WDR17: variants seen among roughly 807,000 people sequenced by gnomAD.
The protein encoded by WDR17 is WD repeat-containing protein 17.
In WDR17, 143 loss-of-function variants were observed where a neutral mutation model predicts 161.7. That is an observed-to-expected ratio of 0.88 (90% CI 0.77 to 1.02). The LOEUF is 1.02. Among genes scored for constraint, WDR17 ranks in the 50% least tolerant of loss-of-function variants. The probability of loss-of-function intolerance (pLI) is 0.00; values close to 1 mark genes in which losing one functional copy is unlikely to be tolerated. For synonymous variants in WDR17, 517 were observed against 515.6 expected (o/e 1.00, Z -0.04); for missense variants, 1,469 against 1,520.9 (o/e 0.97, Z 0.57).
At chr4:176,077,376 T>C (rs1734187830) in intron 1 of WDR17, among the ~76,000 whole-genome samples, 1 of 150,630 alleles carries the variant, frequency 6.6e-6, no homozygotes, top group Non-Finnish European at 1.5e-5. Context: ...AATGAGGCAA[T>C]GACAATGTAC....
At chr4:176,134,852 C>T (rs1744137458) in intron 7 of WDR17, among the ~76,000 whole-genome samples, 1 of 151,508 alleles carries the variant, frequency 6.6e-6, no homozygotes, top group African/African-American at 2.4e-5. Context: ...GACTTCTGAA[C>T]ATCTTTGAGT....
At chr4:176,137,429 A>T (rs9884643) in intron 8 of WDR17, 91 bp from the exon 9 acceptor site, 240,988 of 978,996 alleles carry the variant, frequency 0.25, 30,827 homozygotes, top group Middle Eastern at 0.35. Flanking sequence ...TCTGCAAATC[A>T]CAGTTCTTAC....
chr4:176,145,874 A>G, intron 11 of WDR17, 121 bp from the exon 12 acceptor site: 1 of 804,988 alleles, frequency 1.2e-6, no homozygotes. Context: ...GTAAGTTTTT[A>G]GTCTAACTTC....
chr4:176,077,085 A>G (rs558125085), intron 1 of WDR17, among the ~76,000 whole-genome samples: 1 of 151,750 alleles, frequency 6.6e-6, no homozygotes, highest in Non-Finnish European at 1.5e-5. Context: ...GCTTCCACCT[A>G]TAATATATTG....
chr4:176,105,310 A>G (rs1738533022), intron 1 of WDR17, among the ~76,000 whole-genome samples: 1 of 152,072 alleles, frequency 6.6e-6, no homozygotes, highest in South Asian at 2.1e-4. Context: ...AATAATGAAT[A>G]CATCAGACAG....
chr4:176,154,910 C>T (rs1485725381), intron 17 of WDR17, among the ~76,000 whole-genome samples: 1 of 152,072 alleles, frequency 6.6e-6, no homozygotes, highest in Non-Finnish European at 1.5e-5. Context: ...TCTGTATTTT[C>T]ATATAACAGT....
At chr4:176,156,270 T>G in intron 18 of WDR17, 127 bp downstream of exon 18, 1 of 871,472 alleles carries the variant, frequency 1.1e-6, no homozygotes, top group Non-Finnish European at 1.7e-6. Context: ...ACAATTAAAT[T>G]TTGTATCTAC....
intron 22 of WDR17, among the ~76,000 whole-genome samples, chr4:176,163,826 C>G (rs1749396853): frequency 6.6e-6 from 1 of 152,226 alleles, no homozygotes; most frequent in African/African-American, 2.4e-5. Context: ...CAGCTCATAT[C>G]TGCAGAGCCC....
intron 12 of WDR17, 26 bp from the exon 13 acceptor site, chr4:176,148,107 T>C: frequency 6.2e-7 from 1 of 1,600,018 alleles, no homozygotes; most frequent in Non-Finnish European, 8.6e-7. Flanking sequence ...TTGAATGTTA[T>C]CACACCCATA....
intron 18 of WDR17, among the ~76,000 whole-genome samples, chr4:176,157,100 T>C (rs1188237926): frequency 6.6e-6 from 1 of 152,194 alleles, no homozygotes; most frequent in East Asian, 1.9e-4. Flanking sequence ...ACATATTGTT[T>C]TGAGGGACAC....
chr4:176,133,475 A>G (rs1005726615), intron 7 of WDR17, among the ~76,000 whole-genome samples: 1 of 150,186 alleles, frequency 6.7e-6, no homozygotes, highest in African/African-American at 2.4e-5. Context: ...GTATTAAAGT[A>G]TGTTTTACTT....
chr4:176,160,332 A>T (rs1012419564), intron 19 of WDR17, among the ~76,000 whole-genome samples: 13 of 151,908 alleles, frequency 8.6e-5, no homozygotes, highest in Non-Finnish European at 1.5e-4. Context: ...TTATTTATTT[A>T]TTTTTTTGAG....
chr4:176,071,386 G>A (rs35092039), intron 1 of WDR17, among the ~76,000 whole-genome samples: 14 of 149,608 alleles, frequency 9.4e-5, no homozygotes, highest in Non-Finnish European at 1.8e-4. Context: ...GCAGTGACAC[G>A]ATCTAGGCTC....
At chr4:176,071,114 C>T (rs564802557) in intron 1 of WDR17, among the ~76,000 whole-genome samples, 34 of 116,698 alleles carry the variant, frequency 2.9e-4, no homozygotes, top group African/African-American at 8.9e-4. Flanking sequence ...TGGCAGAGTT[C>T]CTCAAGTCTT....
intron 1 of WDR17, among the ~76,000 whole-genome samples, chr4:176,108,070 T>C (rs534457256): frequency 6.6e-6 from 1 of 151,902 alleles, no homozygotes; most frequent in African/African-American, 2.4e-5. Context: ...ACAGGGTCTC[T>C]TTCTATCACC....
Position 176,130,424 on chromosome 4 carries a change from A to G in WDR17, c.914-1130A>G, listed in dbSNP as rs183727879. Among the ~76,000 whole-genome samples, 811 of 152,308 alleles carry G rather than the reference A, an allele frequency of 5.3e-3. 11 individuals are homozygous for G. Among genetic ancestry groups the G allele is most frequent in the Non-Finnish European group, 6.1e-3 (414 of 68,024 alleles). On this transcript the variant is annotated intron_variant, in intron 6 of 28. Coordinates refer to ENST00000508596, the MANE Select transcript of WDR17 (RefSeq NM_181265.4). ...GAATATTATCCATAATAAATGAACT[A>G]AGAAAAATTGTATTTTAATATTAAA...
chr4:176,070,729 C>T (rs1733123156), intron 1 of WDR17, among the ~76,000 whole-genome samples: 1 of 151,902 alleles, frequency 6.6e-6, no homozygotes, highest in South Asian at 2.1e-4. Context: ...CTATGTTGCC[C>T]AGGCTGATCT....
At chr4:176,146,203 A>G (rs1746133717) in intron 12 of WDR17, 44 bp downstream of exon 12, 1 of 1,576,680 alleles carries the variant, frequency 6.3e-7, no homozygotes, top group African/African-American at 1.4e-5. Flanking sequence ...TAAAATCATA[A>G]GCTTATATTT....
At chr4:176,151,779 T>C (rs1398233145) in intron 16 of WDR17, 33 bp from the exon 17 acceptor site, 1 of 1,533,830 alleles carries the variant, frequency 6.5e-7, no homozygotes, top group Non-Finnish European at 8.7e-7. Flanking sequence ...ATATGTCAAA[T>C]TTTTTTAAAT....
Sources: gnomAD v4.1 joint callset for allele counts (sites outside exome capture counted in the v4.1 genomes callset) on GRCh38, gnomAD v4.1.1 for gene constraint, MANE v1.5 for transcripts, NCBI Gene and HGNC (gene_info 2026-07-23, HGNC 2026-07-21) for gene names.